GDI2: variants seen among roughly 807,000 people sequenced by gnomAD.
GDI2 encodes the protein rab GDP dissociation inhibitor beta.
GDI2 carries 22 observed loss-of-function variants against 54.2 expected under a neutral mutation model. The observed-to-expected ratio is 0.41, with a 90% CI of 0.29 to 0.58. The LOEUF is 0.58. Ranked by LOEUF, GDI2 falls within the 20% of genes least tolerant of loss-of-function variation. GDI2 has a pLI of 0.35. For synonymous variants in GDI2, 177 were observed against 182.1 expected, an observed-to-expected ratio of 0.97 and a Z score of 0.23; for missense variants, 422 against 546.0, an observed-to-expected ratio of 0.77 and a Z score of 2.26.
rs34475268 is a variant in GDI2, at chr10:5,792,959, C to CAAAA, written c.388+1922_388+1925dup. 3.4e-3 allele frequency among the ~76,000 whole-genome samples: 313 copies of CAAAA among 91,958 alleles called. 2 individuals carry two copies. Among genetic ancestry groups the CAAAA allele is most frequent in the Middle Eastern group, 0.014 (2 of 144 alleles). 60.3% of individuals were successfully genotyped at this position (91,958 alleles called of 152,430 possible). Reference sequence around the variant, plus strand: ...AAAGAAAGAACCCACGACCTTTGTCCAAAAAAAAAAAAAAAAAAAATTCTA... The same window carrying CAAAA: ...AAAGAAAGAACCCACGACCTTTGTCCAAAAAAAAAAAAAAAAAAAAAAAATTCTA... On this transcript the variant is annotated intron_variant, in intron 4 of 10. Coordinates refer to ENST00000380191, the MANE Select transcript of GDI2 (RefSeq NM_001494.4).
chr10:5,802,042 A>G (rs1841282167), intron 1 of GDI2, among the ~76,000 whole-genome samples: 1 of 152,062 alleles, frequency 6.6e-6, no homozygotes, highest in Non-Finnish European at 1.5e-5. Context: ...ATAAACATAT[A>G]CCCTTCAATA....
At chr10:5,798,196 A>T (rs1313319927) in intron 2 of GDI2, among the ~76,000 whole-genome samples, 1 of 152,224 alleles carries the variant, frequency 6.6e-6, no homozygotes, top group Non-Finnish European at 1.5e-5. Flanking sequence ...TGAAGCTCAG[A>T]TTTCAAAAAG....
rs765862305 is a variant in GDI2, at chr10:5,766,191, G to A, written c.1192-39C>T. The A allele has an allele frequency of 9.3e-6, 15 of 1,610,036 alleles. No individual in the cohort carries two copies. The highest frequency in any genetic ancestry group is 1.3e-5 in the Non-Finnish European group (15 of 1,176,218). On this transcript the variant is annotated intron_variant, in intron 10 of 10. Transcript: ENST00000380191. This position sits in a 1 kb window ranked among gnomAD's most constrained non-coding sequence, Gnocchi z 5.8. ...TTACGAAGACTTAAGACCATGGAGG[G>A]ATGTCTTCCAGTGAAACCTGCCCAT...
At chr10:5,811,919 G>T in intron 1 of GDI2, 1 of 1,174,446 alleles carries the variant, frequency 8.5e-7, no homozygotes, top group Non-Finnish European at 1.1e-6. Context: ...GTTTTCTCTT[G>T]CCTAGAGACA....
chr10:5,771,889 A>C (rs1840496775), intron 7 of GDI2, among the ~76,000 whole-genome samples: 2 of 152,286 alleles, frequency 1.3e-5, no homozygotes, highest in South Asian at 4.1e-4. Context: ...CAAGAAACCA[A>C]GACCAGCCTG....
In GDI2 at chr10:5,776,168, C is replaced by T. The variant is rs1300831343; in HGVS notation, c.720-2227G>A. On this transcript the variant is annotated intron_variant, in intron 6 of 10. Transcript: ENST00000380191. The surrounding 1 kb of genome is among the most constrained non-coding windows in gnomAD (Gnocchi z 5.3). ...TGTCACAAAAAGGCTGCGGCATATC[C>T]TTCAGAAGCCGTGAAGCTGACAGTC... is the stretch of plus-strand genomic sequence containing the variant. 6.3e-6 allele frequency: 2 copies of T among 315,044 alleles called. No homozygotes were observed. Among genetic ancestry groups the T allele is most frequent in the East Asian group, 1.5e-4 (2 of 12,988 alleles). The allele number at this position is 315,044 out of a possible 1,614,324, so 19.5% of individuals were successfully genotyped here.
intron 1 of GDI2, among the ~76,000 whole-genome samples, chr10:5,801,782 G>A (rs1296007839): frequency 1.3e-5 from 2 of 152,190 alleles, no homozygotes; most frequent in East Asian, 3.9e-4. Context: ...AGGCCGAGGT[G>A]GGTGTAATGC....
intron 1 of GDI2, among the ~76,000 whole-genome samples, chr10:5,801,286 T>C (rs764225370): frequency 3.9e-5 from 6 of 152,334 alleles, no homozygotes; most frequent in East Asian, 1.9e-4. Flanking sequence ...CTTCCACTGA[T>C]GATGTAAAAT....
chr10:5,796,527 T>C (rs1006534106), intron 3 of GDI2, among the ~76,000 whole-genome samples: 1 of 152,220 alleles, frequency 6.6e-6, no homozygotes, highest in African/African-American at 2.4e-5. Context: ...TCTTGTTATG[T>C]ATTATGCCAC....
chr10:5,810,809 C>T (rs535400830), intron 1 of GDI2, among the ~76,000 whole-genome samples: 1 of 152,254 alleles, frequency 6.6e-6, no homozygotes, highest in South Asian at 2.1e-4. Flanking sequence ...GAAGATTTTA[C>T]TCCTTTATAC....
In GDI2 at chr10:5,766,026, C is replaced by T; in HGVS notation, c.1318G>A (p.Asp440Asn). 6.3e-7 allele frequency: 1 copy of T among 1,585,494 alleles called. No individual in the cohort carries two copies. Among genetic ancestry groups the T allele is most frequent in the Non-Finnish European group, 8.5e-7 (1 of 1,172,190 alleles). Residue 440 changes from aspartate (D) to asparagine (N), a missense_variant, in exon 11 of 11, where the codon GAC becomes AAC. Coordinates refer to ENST00000380191, the MANE Select transcript of GDI2 (RefSeq NM_001494.4). This position sits in a 1 kb window ranked among gnomAD's most constrained non-coding sequence, Gnocchi z 5.8. ...TGCTGTTAGTCTTCCCCATAGATGT[C>T]ATTCTTCTTGCGCTTCATTTCCTCA... ...DFEEMKRKKN[D>N]IYGED
intron 6 of GDI2, among the ~76,000 whole-genome samples, chr10:5,778,103 G>A (rs1213650008): frequency 6.6e-6 from 1 of 152,134 alleles, no homozygotes; most frequent in East Asian, 1.9e-4. Flanking sequence ...CATGGACACA[G>A]GGAGAGGAAC....
chr10:5,794,183 AAAAAAATATATATAT>A (rs1242976853), intron 4 of GDI2, among the ~76,000 whole-genome samples: 19 of 53,136 alleles, frequency 3.6e-4, no homozygotes, highest in Admixed American at 8.0e-4. Context: ...AAAAAAAAAA[AAAAAAATATATATAT>A]ATATATATAT....
At chr10:5,808,316 C>T (rs1841417604) in intron 1 of GDI2, among the ~76,000 whole-genome samples, 1 of 146,636 alleles carries the variant, frequency 6.8e-6, no homozygotes. Flanking sequence ...GAGACCGAGA[C>T]CCTGTCTCAA....
intron 4 of GDI2, among the ~76,000 whole-genome samples, chr10:5,787,600 A>G (rs1840909492): frequency 1.3e-5 from 2 of 152,276 alleles, no homozygotes; most frequent in African/African-American, 4.8e-5. Flanking sequence ...TTAAATGGAC[A>G]GAATGTACAC....
intron 1 of GDI2, among the ~76,000 whole-genome samples, chr10:5,808,697 TAAAAAAAAAA>T (rs56672226): frequency 1.2e-5 from 1 of 86,230 alleles, no homozygotes; most frequent in African/African-American, 4.2e-5. Flanking sequence ...TTGTTGTTAT[TAAAAAAAAAA>T]AAAAAAAAAA....
At chr10:5,808,932 G>C (rs1232665546) in intron 1 of GDI2, among the ~76,000 whole-genome samples, 1 of 151,884 alleles carries the variant, frequency 6.6e-6, no homozygotes, top group Non-Finnish European at 1.5e-5. Flanking sequence ...AAATGACTCT[G>C]CCCCTCTAAT....
rs748016409 is a variant in GDI2, at chr10:5,768,063, G to A, written c.991+150C>T. On this transcript the variant is annotated intron_variant, in intron 8 of 10. Transcript: ENST00000380191. The surrounding 1 kb of genome is among the most constrained non-coding windows in gnomAD (Gnocchi z 4.4). The stretch of plus-strand genomic sequence containing the variant: ...TCCGCGTTGACACAATGCTGCCGGA[G>A]CAGGAGGAGGTACAAAGATTTTTTT... 8.0e-6 allele frequency: 5 copies of A among 622,926 alleles called. No homozygotes were observed. Among genetic ancestry groups the A allele is most frequent in the Non-Finnish European group, 8.5e-6 (3 of 353,500 alleles). The allele number at this position is 622,926 out of a possible 1,614,324, so 38.6% of individuals were successfully genotyped here.
intron 4 of GDI2, among the ~76,000 whole-genome samples, chr10:5,789,593 T>C (rs1840965105): frequency 6.6e-6 from 1 of 152,014 alleles, no homozygotes; most frequent in Non-Finnish European, 1.5e-5. Flanking sequence ...AGCAGATTTG[T>C]GACAATTTGA....
Sources: allele counts gnomAD v4.1 joint callset (sites outside exome capture counted in the v4.1 genomes callset), GRCh38; gene constraint gnomAD v4.1.1; non-coding constraint Gnocchi (gnomAD v3.1); transcripts MANE v1.5; gene names NCBI Gene and HGNC (gene_info 2026-07-23, HGNC 2026-07-21).